Variants in QKI observed in about 807,000 individuals in gnomAD.
The protein encoded by QKI is QKI, KH domain containing RNA binding.
In QKI, 10 loss-of-function variants were observed where a neutral mutation model predicts 39.0. The observed-to-expected ratio is 0.26, with a 90% CI of 0.16 to 0.43. The LOEUF is 0.43. Among genes scored for constraint, QKI ranks in the 20% least tolerant of loss-of-function variants. The pLI is 1.00. For missense variants in QKI, 218 were observed against 428.0 expected, an observed-to-expected ratio of 0.51 and a Z score of 4.33; for synonymous variants, 204 against 155.4, an observed-to-expected ratio of 1.31 and a Z score of -2.33.
chr6:163,513,072 ATTG>A (rs540033187), intron 3 of QKI, among the ~76,000 whole-genome samples: 114 of 152,154 alleles, frequency 7.5e-4, no homozygotes, highest in Middle Eastern at 6.8e-3. Context: ...ACTCTATTTT[ATTG>A]TTGTTCATCT....
intron 3 of QKI, among the ~76,000 whole-genome samples, chr6:163,487,357 C>A (rs370316250): frequency 6.2e-4 from 94 of 152,200 alleles, no homozygotes; most frequent in Middle Eastern, 3.4e-3. Context: ...ATTTTAGAAT[C>A]AAATTCAGAC....
rs75769025 is a variant in QKI at position 163,545,439 on chromosome 6, T to A, written c.546+10314T>A. On this transcript the variant is annotated intron_variant, in intron 4 of 7. Coordinates refer to ENST00000361752, the MANE Select transcript of QKI (RefSeq NM_006775.3). Reference sequence around the variant, plus strand: ...CAAGGTATAGGTTTTAAGACTTCCCTCAACATCATACCATAATTATCTAAA... The same window carrying A: ...CAAGGTATAGGTTTTAAGACTTCCCACAACATCATACCATAATTATCTAAA... 6.1e-3 allele frequency among the ~76,000 whole-genome samples: 926 copies of A among 152,242 alleles called. 9 individuals carry two copies. Among genetic ancestry groups the A allele is most frequent in the African/African-American group, 0.021 (886 of 41,560 alleles).
intron 4 of QKI, among the ~76,000 whole-genome samples, chr6:163,555,565 A>G (rs1562539643): frequency 1.4e-5 from 2 of 145,452 alleles, no homozygotes; most frequent in Non-Finnish European, 3.0e-5. Context: ...GATCTGTGTT[A>G]TTGAGGAACA....
chr6:163,421,261 A>G (rs1562414772), intron 1 of QKI, among the ~76,000 whole-genome samples: 2 of 152,188 alleles, frequency 1.3e-5, no homozygotes, highest in East Asian at 1.9e-4. Flanking sequence ...ATTTTACTTT[A>G]CTGTCATTGT....
At position 163,576,030 on chromosome 6, in the gene QKI, T is replaced by G. The variant is rs962591108; in HGVS notation, c.*5320T>G. 6.6e-6 allele frequency: 1 copy of G among 152,188 alleles called. No homozygotes were observed. The highest frequency in any genetic ancestry group is 2.4e-5 in the African/African-American group (1 of 41,446). 9.4% of individuals were successfully genotyped at this position (152,188 alleles called of 1,614,324 possible). A position where few individuals can be genotyped will look rare whatever the true frequency, so the allele number is the denominator to read the frequency against. Reference sequence around the variant, plus strand: ...TATTTAGCAAAAATTATTCTCCAACTTTTCGAATTCACAATTTTTCTAAGT... The same window carrying G: ...TATTTAGCAAAAATTATTCTCCAACGTTTCGAATTCACAATTTTTCTAAGT... On this transcript the variant is annotated 3_prime_UTR_variant, in exon 8 of 8. Transcript: ENST00000361752.
chr6:163,507,020 A>C (rs1422838565), intron 3 of QKI, among the ~76,000 whole-genome samples: 4 of 152,188 alleles, frequency 2.6e-5, no homozygotes, highest in African/African-American at 9.7e-5. Flanking sequence ...GCGATGATTA[A>C]AGGAAAAATG....
chr6:163,522,304 A>G (rs1208219090), intron 3 of QKI, among the ~76,000 whole-genome samples: 1 of 152,160 alleles, frequency 6.6e-6, no homozygotes, highest in Non-Finnish European at 1.5e-5. Context: ...CTTGCCTGTC[A>G]TAAACCTTGT....
chr6:163,416,195 G>C (rs536077984), intron 1 of QKI: 1 of 338,982 alleles, frequency 3.0e-6, no homozygotes, highest in East Asian at 7.9e-5. Flanking sequence ...CGTTTGGAAA[G>C]GGCGAAATAA....
At chr6:163,548,794 G>T (rs1782042601) in intron 4 of QKI, among the ~76,000 whole-genome samples, 1 of 152,164 alleles carries the variant, frequency 6.6e-6, no homozygotes, top group Non-Finnish European at 1.5e-5. Flanking sequence ...TATCACTCTG[G>T]CTACGAGGTG....
At chr6:163,419,519 C>T (rs141130895) in intron 1 of QKI, among the ~76,000 whole-genome samples, 1 of 152,212 alleles carries the variant, frequency 6.6e-6, no homozygotes, top group East Asian at 1.9e-4. Context: ...TGCTTTTGTA[C>T]ACAGTCCTTG....
intron 4 of QKI, among the ~76,000 whole-genome samples, chr6:163,541,373 T>C (rs1290220826): frequency 6.6e-6 from 1 of 152,046 alleles, no homozygotes; most frequent in African/African-American, 2.4e-5. Context: ...CAGCATATGG[T>C]CTGTTTTGAT....
chr6:163,533,710 GT>G, intron 3 of QKI, among the ~76,000 whole-genome samples: 1 of 152,262 alleles, frequency 6.6e-6, no homozygotes, highest in African/African-American at 2.4e-5. Context: ...TGGTACCCCT[GT>G]AAAATGCTGT....
intron 1 of QKI, among the ~76,000 whole-genome samples, chr6:163,442,123 A>G (rs1789805334): frequency 6.6e-6 from 1 of 152,214 alleles, no homozygotes; most frequent in Non-Finnish European, 1.5e-5. Context: ...ATTGCAACAG[A>G]TTGAATTCAA....
rs1787311666 is a variant in QKI at position 163,415,035 on chromosome 6, G to C, written c.-159G>C. 1.4e-6 allele frequency: 1 copy of C among 735,924 alleles called. No individual in the cohort carries two copies. Among genetic ancestry groups the C allele is most frequent in the Non-Finnish European group, 1.6e-6 (1 of 612,314 alleles). The allele number at this position is 735,924 out of a possible 1,614,324, so 45.6% of individuals were successfully genotyped here. On this transcript the variant is annotated 5_prime_UTR_variant, in exon 1 of 8. Transcript: ENST00000361752. Reference sequence around the variant, plus strand: ...GGGGGGCGGGCGAGCGCGCGGTGCCGGCCGCCCCGGGGCTCGGCGCGGGAG... The same window carrying C: ...GGGGGGCGGGCGAGCGCGCGGTGCCCGCCGCCCCGGGGCTCGGCGCGGGAG...
At chr6:163,429,344 T>TC (rs919895187) in intron 1 of QKI, among the ~76,000 whole-genome samples, 37 of 151,564 alleles carry the variant, frequency 2.4e-4, no homozygotes, top group Admixed American at 6.6e-4. Flanking sequence ...TTCCTTGTAG[T>TC]CCCCCCCCAC....
At chr6:163,471,264 G>A (rs1480991261) in intron 2 of QKI, among the ~76,000 whole-genome samples, 1 of 152,092 alleles carries the variant, frequency 6.6e-6, no homozygotes, top group Non-Finnish European at 1.5e-5. Context: ...TCAAAAATAA[G>A]ACATTTTCAG....
intron 2 of QKI, among the ~76,000 whole-genome samples, chr6:163,466,109 A>G (rs966380250): frequency 2.6e-5 from 4 of 151,496 alleles, no homozygotes; most frequent in Non-Finnish European, 5.9e-5. Context: ...CCTGGGTGAC[A>G]AGAGCGAAAC....
At chr6:163,423,167 A>C (rs992276135) in intron 1 of QKI, 1 of 152,256 alleles carries the variant, frequency 6.6e-6, no homozygotes, top group Non-Finnish European at 1.5e-5. Flanking sequence ...GTGTGCCTAC[A>C]GTGCCAGCTA....
chr6:163,470,862 A>T lies in QKI; in HGVS notation c.286-7918A>T, dbSNP rs1744926. On this transcript the variant is annotated intron_variant, in intron 2 of 7. Transcript: ENST00000361752. ...ATGCAGAGGGATGGAAAAAAGTAGAAGGGAATGTGAAAAGTAAAAGGAATA... is the reference window on the plus strand; with the variant it reads ...ATGCAGAGGGATGGAAAAAAGTAGATGGGAATGTGAAAAGTAAAAGGAATA... Among the ~76,000 whole-genome samples the T allele has an allele frequency of 9.9e-5, 15 of 151,988 alleles. No individual in the cohort carries two copies. In the South Asian group the frequency reaches 1.9e-3, roughly 19 times the overall value.
Sources: allele counts gnomAD v4.1 joint callset (sites outside exome capture counted in the v4.1 genomes callset), GRCh38; gene constraint gnomAD v4.1.1; transcripts MANE v1.5; gene names NCBI Gene and HGNC (gene_info 2026-07-23, HGNC 2026-07-21).